CPA5: variants seen among roughly 807,000 people sequenced by gnomAD.
CPA5 encodes the protein testicular tissue protein Li 32.
A neutral mutation model predicts 52.2 loss-of-function variants in CPA5; 38 were observed. The observed-to-expected ratio is 0.73, with a 90% CI of 0.56 to 0.95. CPA5 has a LOEUF of 0.95. Among genes scored for constraint, CPA5 ranks in the 40% least tolerant of loss-of-function variants. The pLI is 0.00. For synonymous variants in CPA5, 198 were observed against 213.7 expected, an observed-to-expected ratio of 0.93 and a Z score of 0.64; for missense variants, 519 against 566.7, an observed-to-expected ratio of 0.92 and a Z score of 0.86.
In CPA5 at chr7:130,367,437, G is replaced by C. The variant is rs1554408769; in HGVS notation, c.904G>C (p.Glu302Gln). ...YHGPSPQSEP[E>Q]VAAIVNFITA... ...CGGGCCCTCCCCTCAGTCGGAGCCG[G>C]AGGTGGCTGCCATAGTGAACTTCAT... The change falls in exon 11 of 13, where the codon GAG becomes CAG. Residue 302 changes from glutamate (E) to glutamine (Q), a missense_variant. By Grantham distance (29) the Glu-to-Gln change is conservative. Coordinates refer to ENST00000474905, the MANE Select transcript of CPA5 (RefSeq NM_080385.5). The C allele has an allele frequency of 3.1e-6, 5 of 1,614,122 alleles. No homozygotes were observed. Among genetic ancestry groups the C allele is most frequent in the Non-Finnish European group, 4.2e-6 (5 of 1,180,030 alleles).
chr7:130,347,917 C>T, intron 4 of CPA5, 70 bp downstream of exon 4: 2 of 1,271,322 alleles, frequency 1.6e-6, no homozygotes, highest in East Asian at 4.8e-5. Context: ...GCTCCTTGTC[C>T]TGCCCCCCTT....
the CPA5 span, among the ~76,000 whole-genome samples, chr7:130,373,806 C>T: frequency 6.6e-6 from 1 of 152,246 alleles, no homozygotes; most frequent in Non-Finnish European, 1.5e-5. Flanking sequence ...GGGAACCACA[C>T]CAGCACAGAG....
At chr7:130,348,957 G>A (rs77377787) in intron 4 of CPA5, among the ~76,000 whole-genome samples, 3,201 of 152,236 alleles carry the variant, frequency 0.021, 40 homozygotes, top group Non-Finnish European at 0.026. Context: ...TCCCCTCCGC[G>A]AGTCACTTAG....
chr7:130,363,649 C>G, intron 10 of CPA5, 140 bp downstream of exon 10: 1 of 702,064 alleles, frequency 1.4e-6, no homozygotes, highest in Non-Finnish European at 2.5e-6. Flanking sequence ...GAGTCACGGC[C>G]AGGGACAGGC....
At chr7:130,347,668 T>C in intron 3 of CPA5, 98 bp from the exon 4 acceptor site, 1 of 1,031,202 alleles carries the variant, frequency 9.7e-7, no homozygotes, top group Non-Finnish European at 1.5e-6. Flanking sequence ...CGCCTGGCCC[T>C]CAGCTGGGCC....
At chr7:130,362,781 T>C in intron 8 of CPA5, 103 bp from the exon 9 acceptor site, 1 of 727,784 alleles carries the variant, frequency 1.4e-6, no homozygotes, top group East Asian at 2.6e-5. Flanking sequence ...ACCTCAGGGG[T>C]TTCATGCCAT....
downstream of CPA5, among the ~76,000 whole-genome samples, chr7:130,369,626 T>C (rs1239533421): frequency 6.6e-6 from 1 of 152,042 alleles, no homozygotes; most frequent in African/African-American, 2.4e-5. Context: ...TGTGTGTGTT[T>C]GTGTGTGTGC....
rs1554402742 is a variant in CPA5 at position 130,347,838 on chromosome 7, AC to A, written c.193del (p.Gln65ArgfsTer18). 1 of 1,613,034 alleles carries A rather than the reference AC, an allele frequency of 6.2e-7. No homozygotes were observed. The highest frequency in any genetic ancestry group is 2.2e-5 in the East Asian group (1 of 44,832). Reference protein sequence around the residue: ...SLLGDLEGLKPQKVDFWRGPA... With the variant: ...SLLGDLEGLKXQKVDFWRGPA... Reference sequence around the variant, plus strand: ...TTCTCGGGGATCTGGAGGGCCTGAAACCCCAGAAGGTGAGGACTCCTCAGGC... The same window carrying A: ...TTCTCGGGGATCTGGAGGGCCTGAAACCCAGAAGGTGAGGACTCCTCAGGC... On this transcript the variant is annotated frameshift_variant, in exon 4 of 13. Transcript: ENST00000474905. LOFTEE classifies it high-confidence loss of function.
chr7:130,346,411 T>C lies in CPA5; in HGVS notation c.-75T>C. On this transcript the variant is annotated 5_prime_UTR_variant, in exon 3 of 13. Transcript: ENST00000474905. ...TTCTCAGGCTGGGCTTTCCAGCCTC[T>C]AGGTGCTGTGCTGTCCTGAGGCCTG... The C allele has an allele frequency of 9.2e-7, 1 of 1,088,556 alleles. No individual in the cohort carries two copies. Among genetic ancestry groups the C allele is most frequent in the South Asian group, 1.5e-5 (1 of 67,304 alleles). 67.4% of individuals were successfully genotyped at this position (1,088,556 alleles called of 1,614,324 possible).
chr7:130,368,534 G>A lies in CPA5; in HGVS notation c.1248G>A (p.Thr416=), dbSNP rs781859843. 57 of 1,613,930 alleles carry A rather than the reference G, an allele frequency of 3.5e-5. 1 individual carries two copies. The highest frequency in any genetic ancestry group is 1.6e-4 in the Middle Eastern group (1 of 6,082). The change falls in exon 13 of 13, where the codon ACG becomes ACA. Residue 416 remains threonine (T), a synonymous_variant. Coordinates refer to ENST00000474905, the MANE Select transcript of CPA5 (RefSeq NM_080385.5). ...TGCCGGCCACACAGATCATCCCCAC[G>A]GCCCAGGAGACGTGGATGGCGCTTC... ...FLLPATQIIP[T]AQETWMALRT...
Position 130,368,561 on chromosome 7 carries a change from G to T in CPA5, c.1275G>T (p.Arg425=). Residue 425 remains arginine (R), a synonymous_variant, in exon 13 of 13, where the codon CGG becomes CGT. Transcript: ENST00000474905. The stretch of plus-strand genomic sequence containing the variant: ...CCCAGGAGACGTGGATGGCGCTTCG[G>T]ACCATCATGGAGCACACCCTGAATC... ...PTAQETWMAL[R]TIMEHTLNHP... is the part of the protein sequence containing the mutation. 1 of 1,614,022 alleles carries T rather than the reference G, an allele frequency of 6.2e-7. No homozygotes were observed. Among genetic ancestry groups the T allele is most frequent in the Admixed American group, 1.7e-5 (1 of 60,000 alleles).
intron 4 of CPA5, 66 bp downstream of exon 4, chr7:130,347,913 T>G: frequency 1.5e-6 from 2 of 1,297,970 alleles, no homozygotes; most frequent in Non-Finnish European, 2.2e-6. Context: ...TTTAGCTCCT[T>G]GTCCTGCCCC....
rs1324922525 is a variant in CPA5 at position 130,367,949 on chromosome 7, A to G, written c.1082A>G (p.His361Arg). The G allele has an allele frequency of 7.4e-6, 12 of 1,614,106 alleles. No homozygotes were observed. The highest frequency in any genetic ancestry group is 1.0e-5 in the Non-Finnish European group (12 of 1,180,048). Residue 361 changes from histidine (H) to arginine (R), a missense_variant, in exon 12 of 13, where the codon CAT becomes CGT. Coordinates refer to ENST00000474905, the MANE Select transcript of CPA5 (RefSeq NM_080385.5). The part of the protein sequence containing the change: ...KDAVEALYKV[H>R]GIEYIFGSIS... ...GCGGTGGAGGCCTTGTATAAGGTCC[A>G]TGGGATCGAGTACATTTTTGGCAGC...
At position 130,367,183 on chromosome 7, in the gene CPA5, C is replaced by T. The variant is rs1313517516; in HGVS notation, c.839-189C>T. ...AGAGCATGGAGAAGTCACACTTGCT[C>T]TTAACAATCTCAACCCAGAAGTGCC... On this transcript the variant is annotated intron_variant, in intron 10 of 12. Coordinates refer to ENST00000474905, the MANE Select transcript of CPA5 (RefSeq NM_080385.5). 2.0e-5 allele frequency among the ~76,000 whole-genome samples: 3 copies of T among 151,996 alleles called. No homozygotes were observed. The East Asian group carries it at 5.8e-4, about 29-fold the overall frequency.
At chr7:130,367,245 G>C (rs1204398830) in intron 10 of CPA5, 127 bp from the exon 11 acceptor site, 6 of 758,574 alleles carry the variant, frequency 7.9e-6, no homozygotes, top group African/African-American at 1.7e-5. Flanking sequence ...GGTCAAAGTA[G>C]TCACATGACC....
intron 5 of CPA5, among the ~76,000 whole-genome samples, chr7:130,358,723 G>C (rs956175842): frequency 2.4e-4 from 36 of 152,152 alleles, no homozygotes; most frequent in African/African-American, 8.2e-4. Context: ...GCCATTATAA[G>C]GGCATGGGCT....
rs1794641385 is a variant in CPA5, at chr7:130,344,850, T to TTC, written c.-500_-499dup. The stretch of plus-strand genomic sequence containing the variant: ...TCTCTCTCTCTTTTACTCTTATTCT[T>TTC]TCTCTCTCACTCTCTCTCTTTTCCC... On this transcript the variant is annotated 5_prime_UTR_variant, in exon 1 of 13. Transcript: ENST00000474905. 1.3e-5 allele frequency: 2 copies of TTC among 152,154 alleles called. No homozygotes were observed. Among genetic ancestry groups the TTC allele is most frequent in the East Asian group, 3.9e-4 (2 of 5,174 alleles). 9.4% of individuals were successfully genotyped at this position (152,154 alleles called of 1,614,324 possible). A position where few individuals can be genotyped will look rare whatever the true frequency, so the allele number is the denominator to read the frequency against.
chr7:130,374,160 C>G, the CPA5 span, among the ~76,000 whole-genome samples: 6 of 152,210 alleles, frequency 3.9e-5, no homozygotes, highest in Non-Finnish European at 8.8e-5. Context: ...GCCCTGGGTT[C>G]TGCTGATACC....
At chr7:130,361,439 G>A (rs903015345) in intron 7 of CPA5, among the ~76,000 whole-genome samples, 195 bp downstream of exon 7, 1 of 152,212 alleles carries the variant, frequency 6.6e-6, no homozygotes, top group Non-Finnish European at 1.5e-5. Flanking sequence ...AGGTGACAGT[G>A]TGGTGACCTA....
Sources: gnomAD v4.1 joint callset for allele counts (sites outside exome capture counted in the v4.1 genomes callset) on GRCh38, gnomAD v4.1.1 for gene constraint, MANE v1.5 for transcripts, NCBI Gene and HGNC (gene_info 2026-07-23, HGNC 2026-07-21) for gene names.